HDAC6: variants seen among roughly 807,000 people sequenced by gnomAD.
HDAC6 encodes the protein protein deacetylase HDAC6.
Under a neutral mutation model 88.9 loss-of-function variants are expected in HDAC6, and 5 were observed. That is an observed-to-expected ratio of 0.06 (90% CI 0.03 to 0.12). The LOEUF is 0.12. HDAC6 is among the 10% of genes least tolerant of loss of function. The pLI, the probability that HDAC6 is intolerant of heterozygous loss-of-function variation, is 1.00. For synonymous variants in HDAC6, 378 were observed against 398.0 expected (o/e 0.95, Z 0.60); for missense variants, 706 against 1,014.4 (o/e 0.70, Z 4.13).
chrX:48,814,163 T>G lies in HDAC6; in HGVS notation c.807-277T>G, dbSNP rs1263848424. ...ATGTTTGCTGAGGGAGAGGTTCTGG[T>G]GAGAGACTAAATGAATGAGCGAGTG... On this transcript the variant is annotated intron_variant, in intron 10 of 28. Transcript: ENST00000334136. The G allele has an allele frequency of 1.5e-5, 5 of 324,259 alleles. No individual in the cohort carries two copies. The East Asian group carries it at 2.4e-4, about 16-fold the overall frequency. 26.7% of individuals were successfully genotyped at this position (324,259 alleles called of 1,213,427 possible). A position where few individuals can be genotyped will look rare whatever the true frequency, so the allele number is the denominator to read the frequency against.
chrX:48,823,014 A>G lies in HDAC6; in HGVS notation c.2615A>G (p.Lys872Arg). The change falls in exon 25 of 29, where the codon AAG becomes AGG. Residue 872 changes from lysine (K) to arginine (R), a missense_variant. This residue lies in a region of HDAC6 where 89 missense variants were observed against 90.9 expected (regional missense o/e 0.98). Coordinates refer to ENST00000334136, the MANE Select transcript of HDAC6 (RefSeq NM_006044.4). ...RLAERMTTRE[K>R]KVLEAGMGKV... ...GCTGAGCGGATGACCACACGAGAAA[A>G]GAAGGTTCTGGAAGCAGGCATGGGG... The G allele has an allele frequency of 8.3e-7, 1 of 1,211,274 alleles. No individual in the cohort carries two copies. The highest frequency in any genetic ancestry group is 1.1e-6 in the Non-Finnish European group (1 of 895,296).
chrX:48,806,192 A>G (rs1433014907), intron 6 of HDAC6, 176 bp from the exon 7 acceptor site: 12 of 429,061 alleles, frequency 2.8e-5, no homozygotes, highest in Non-Finnish European at 4.5e-5. Flanking sequence ...GGAGCAGAGA[A>G]CATTACCTGA....
Position 48,802,799 on chromosome X carries a change from C to A in HDAC6, c.93+14C>A. On this transcript the variant is annotated intron_variant, in intron 2 of 28. Coordinates refer to ENST00000334136, the MANE Select transcript of HDAC6 (RefSeq NM_006044.4). ...AGTGTCACTTCGGTGAGGCCCTAGA[C>A]CCGCCCTGATGAGGGGGAGAGGGAG... is the stretch of plus-strand genomic sequence containing the variant. 1.7e-6 allele frequency: 2 copies of A among 1,206,994 alleles called. No individual in the cohort carries two copies. The highest frequency in any genetic ancestry group is 2.2e-6 in the Non-Finnish European group (2 of 892,954).
Position 48,816,279 on chromosome X carries a change from C to T in HDAC6, c.1622+10C>T, listed in dbSNP as rs2062983510. 1.1e-5 allele frequency: 13 copies of T among 1,204,614 alleles called. No homozygotes were observed. The highest frequency in any genetic ancestry group is 8.9e-5 in the East Asian group (3 of 33,549). On this transcript the variant is annotated intron_variant, in intron 18 of 28. Coordinates refer to ENST00000334136, the MANE Select transcript of HDAC6 (RefSeq NM_006044.4). ...TGCTCACCTGTCACAGGTCAGACCC[C>T]GGTGCCTGGGGTGGGTGGATTCCCA...
intron 10 of HDAC6, among the ~76,000 whole-genome samples, chrX:48,812,085 TGTCA>T (rs2062911351): frequency 8.9e-6 from 1 of 112,930 alleles, no homozygotes; most frequent in South Asian, 3.5e-4. Flanking sequence ...GCCAAGGGTC[TGTCA>T]TTCAAAGAAT....
chrX:48,805,210 G>A (rs1557023760), intron 4 of HDAC6, among the ~76,000 whole-genome samples: 2 of 111,822 alleles, frequency 1.8e-5, no homozygotes, highest in Middle Eastern at 4.6e-3. Flanking sequence ...GGCGAGGGTC[G>A]AAGCAGGGAG....
upstream of HDAC6, chrX:48,801,788 G>T (rs2062730449): frequency 5.5e-6 from 5 of 907,493 alleles, no homozygotes; most frequent in South Asian, 1.0e-4. Flanking sequence ...TTGAGGCACG[G>T]TCCCCTCTGG....
chrX:48,805,555 G>A (rs1353257177), intron 5 of HDAC6, 33 bp downstream of exon 5: 1 of 1,186,686 alleles, frequency 8.4e-7, no homozygotes, highest in East Asian at 3.0e-5. Flanking sequence ...CTGGGTGAAG[G>A]GCAGGGAGCT....
rs1557031229 is a variant in HDAC6, at chrX:48,823,678, T to C, written c.3196T>C (p.Ser1066Pro). Residue 1066 changes from serine (S) to proline (P), a missense_variant, in exon 26 of 29, where the codon TCA (serine) becomes CCA (proline). Ser to Pro is a moderately conservative substitution (Grantham distance 74, BLOSUM62 -1). This residue lies in a region of HDAC6 where 112 missense variants were observed against 95.1 expected (regional missense o/e 1.18). Transcript: ENST00000334136. ...LELGSESQGA[S>P]ESQAPGEENL... The stretch of plus-strand genomic sequence containing the variant: ...CTTACTTCTGCGTGTCCAGGGGGCC[T>C]CAGAATCTCAGGCCCCAGGAGAGGA... 1.7e-6 allele frequency: 2 copies of C among 1,203,525 alleles called. No individual in the cohort carries two copies. The highest frequency in any genetic ancestry group is 3.5e-5 in the African/African-American group (2 of 56,730).
Position 48,823,050 on chromosome X carries a change from C to T in HDAC6, c.2651C>T (p.Ser884Leu), listed in dbSNP as rs782241054. Residue 884 changes from serine (S) to leucine (L), a missense_variant, in exon 25 of 29, where the codon TCG becomes TTG. Ser to Leu is a moderately radical substitution (Grantham distance 145, BLOSUM62 -2). Transcript: ENST00000334136. ...VLEAGMGKVT[S>L]ASFGEESTPG... The stretch of plus-strand genomic sequence containing the variant: ...GAAGCAGGCATGGGGAAAGTCACCT[C>T]GGCATCATTTGGGGAAGAGTCCACT... 5.0e-6 allele frequency: 6 copies of T among 1,209,255 alleles called. No individual in the cohort carries two copies. The highest frequency in any genetic ancestry group is 5.6e-6 in the Non-Finnish European group (5 of 894,885).
intron 23 of HDAC6, among the ~76,000 whole-genome samples, chrX:48,821,559 A>G (rs1225574169): frequency 2.0e-5 from 2 of 99,124 alleles, no homozygotes; most frequent in South Asian, 5.0e-4. Flanking sequence ...CTGGAGTGCA[A>G]TGGCGCTATC....
intron 4 of HDAC6, 76 bp downstream of exon 4, chrX:48,803,292 T>C (rs1035619000): frequency 1.3e-6 from 1 of 794,907 alleles, no homozygotes; most frequent in Non-Finnish European, 1.9e-6. Context: ...AGAATAAATC[T>C]TTTCTTACCC....
At chrX:48,817,760 T>C (rs1354109646) in intron 20 of HDAC6, 5 of 416,788 alleles carry the variant, frequency 1.2e-5, no homozygotes, top group Non-Finnish European at 1.7e-5. Flanking sequence ...TCCTGATGCA[T>C]ACTCCAGAAG....
At chrX:48,802,026 A>G (rs1224536597), upstream of HDAC6, 6 of 940,214 alleles carry the variant, frequency 6.4e-6, no homozygotes, top group Middle Eastern at 6.5e-4. Context: ...GAAGAGGGTT[A>G]GCGAAACGTT....
At chrX:48,821,798 G>A (rs1309890478) in intron 23 of HDAC6, among the ~76,000 whole-genome samples, 5 of 111,860 alleles carry the variant, frequency 4.5e-5, no homozygotes, top group Admixed American at 9.5e-5. Flanking sequence ...GTGAGCCACC[G>A]CGCCCAGCCT....
Position 48,805,997 on chromosome X carries a change from G to C in HDAC6, c.437+326G>C, listed in dbSNP as rs1182435748. 1.6e-5 allele frequency: 6 copies of C among 385,004 alleles called. No homozygotes were observed. The Admixed American group carries it at 2.8e-4, about 18-fold the overall frequency. 31.7% of individuals were successfully genotyped at this position (385,004 alleles called of 1,213,427 possible). ...ATCGGGGTTCCCCCAGGGGCTTCCA[G>C]ATTTAGAGGCCTAGTGCTATGTGGC... is the stretch of plus-strand genomic sequence containing the variant. On this transcript the variant is annotated intron_variant, in intron 6 of 28. Coordinates refer to ENST00000334136, the MANE Select transcript of HDAC6 (RefSeq NM_006044.4).
chrX:48,804,998 G>A (rs1373282831), intron 4 of HDAC6, among the ~76,000 whole-genome samples: 2 of 111,298 alleles, frequency 1.8e-5, no homozygotes, highest in Non-Finnish European at 1.9e-5. Context: ...AGAGACCAGT[G>A]TAGGTGAAGC....
Position 48,814,978 on chromosome X carries a change from C to A in HDAC6, c.1076C>A (p.Thr359Asn). The change falls in exon 14 of 29, where the codon ACT becomes AAT. Residue 359 changes from threonine (T) to asparagine (N), a missense_variant. Transcript: ENST00000334136. Reference protein sequence around the residue: ...QGDPKGEMAATPAGFAQLTHL... With the variant: ...QGDPKGEMAANPAGFAQLTHL... ...TCCCCCCAGGGTGAGATGGCCGCCA[C>A]TCCGGCAGGGTTCGCCCAGCTAACC... The A allele has an allele frequency of 8.3e-7, 1 of 1,210,021 alleles. No homozygotes were observed. Among genetic ancestry groups the A allele is most frequent in the Non-Finnish European group, 1.1e-6 (1 of 894,678 alleles).
rs2062734742 is a variant in HDAC6 at position 48,802,090 on chromosome X, C to G, written c.-83C>G. The G allele has an allele frequency of 2.2e-6, 2 of 890,336 alleles. No individual in the cohort carries two copies. The highest frequency in any genetic ancestry group is 2.8e-6 in the Non-Finnish European group (2 of 718,105). 73.4% of individuals were successfully genotyped at this position (890,336 alleles called of 1,213,427 possible). On this transcript the variant is annotated 5_prime_UTR_variant, in exon 1 of 29. Coordinates refer to ENST00000334136, the MANE Select transcript of HDAC6 (RefSeq NM_006044.4). ...CTGGTTGAAGGAACGGGGCAGTCCC[C>G]TGAGGAGCGGGGCTGGTTGAAACGC... is the stretch of plus-strand genomic sequence containing the variant.
Sources: gnomAD v4.1 joint callset for allele counts (sites outside exome capture counted in the v4.1 genomes callset) on GRCh38, gnomAD v4.1.1 for gene constraint, gnomAD v4.1.1 regional missense constraint, MANE v1.5 for transcripts, NCBI Gene and HGNC (gene_info 2026-07-23, HGNC 2026-07-21) for gene names.